XKR6: variants seen among roughly 807,000 people sequenced by gnomAD.
The protein encoded by XKR6 is XK related 6.
A neutral mutation model predicts 56.7 loss-of-function variants in XKR6; 22 were observed. The ratio of observed to expected loss-of-function variants is 0.39; its 90% CI spans 0.28 to 0.55. The LOEUF is 0.55. Ranked by LOEUF, XKR6 falls within the 20% of genes least tolerant of loss-of-function variation. The pLI is 0.66. For missense variants in XKR6, 852 were observed against 889.0 expected (o/e 0.96, Z 0.53); for synonymous variants, 524 against 387.8 (o/e 1.35, Z -4.13).
chr8:10,910,962 T>C (rs189473880), intron 2 of XKR6, among the ~76,000 whole-genome samples: 12 of 152,252 alleles, frequency 7.9e-5, no homozygotes, highest in Admixed American at 2.6e-4. Flanking sequence ...TCCATTCTCA[T>C]TGAGGAGCAA....
intron 1 of XKR6, among the ~76,000 whole-genome samples, chr8:11,020,715 C>T (rs150418297): frequency 6.6e-6 from 1 of 152,312 alleles, no homozygotes; most frequent in Admixed American, 6.5e-5. Flanking sequence ...CAACTTTGAA[C>T]TCTTACGCCT....
intron 1 of XKR6, among the ~76,000 whole-genome samples, chr8:11,075,973 C>A (rs558883705): frequency 3.9e-5 from 6 of 152,212 alleles, no homozygotes; most frequent in African/African-American, 1.4e-4. Flanking sequence ...GCAGCCCCAG[C>A]GTCACTTGAC....
chr8:11,133,586 T>C (rs531428849), intron 1 of XKR6, among the ~76,000 whole-genome samples: 1 of 149,948 alleles, frequency 6.7e-6, no homozygotes, highest in African/African-American at 2.5e-5. Context: ...GCTAACACAG[T>C]ACAGGCTAGG....
In XKR6 at chr8:11,108,626, T is replaced by C. The variant is rs60067354; in HGVS notation, c.764+91950A>G. On this transcript the variant is annotated intron_variant, in intron 1 of 2. Transcript: ENST00000416569. ...GCCCTTTGCAGAGAGTTTCCGTCCA[T>C]TTCATTAGGAAGCTCTTGCCATGTG... The C allele has an allele frequency of 5.7e-3, 1,724 of 301,220 alleles. 39 individuals are homozygous for C. The highest frequency in any genetic ancestry group is 0.037 in the African/African-American group (1,641 of 44,818). The allele number at this position is 301,220 out of a possible 1,614,324, so 18.7% of individuals were successfully genotyped here.
At chr8:11,054,656 C>G (rs1395505327) in intron 1 of XKR6, among the ~76,000 whole-genome samples, 1 of 152,224 alleles carries the variant, frequency 6.6e-6, no homozygotes, top group Non-Finnish European at 1.5e-5. Context: ...TTTAGGAAAC[C>G]CAATTCCTGC....
intron 1 of XKR6, among the ~76,000 whole-genome samples, chr8:11,199,738 C>T (rs780542417): frequency 6.6e-6 from 1 of 152,154 alleles, no homozygotes; most frequent in Non-Finnish European, 1.5e-5. Context: ...TGAACTGGGA[C>T]ACGGGAAATT....
At position 11,015,137 on chromosome 8, in the gene XKR6, G is replaced by C. The variant is rs576604991; in HGVS notation, c.765-90307C>G. ...GAGGCGCTTGGGGGCGCCTCTGATC[G>C]CGTGATATGGGTGCCCTGCATCTGG... On this transcript the variant is annotated intron_variant, in intron 1 of 2. Transcript: ENST00000416569. Among the ~76,000 whole-genome samples, 11 of 152,032 alleles carry C rather than the reference G, an allele frequency of 7.2e-5. No individual in the cohort carries two copies. In the South Asian group the frequency reaches 2.1e-3, roughly 29 times the overall value.
chr8:11,020,414 T>A (rs1055208283), intron 1 of XKR6, among the ~76,000 whole-genome samples: 4 of 152,186 alleles, frequency 2.6e-5, no homozygotes, highest in African/African-American at 9.6e-5. Flanking sequence ...TGAGTCCCAA[T>A]GATGTGGCAA....
chr8:10,954,250 C>T (rs569528248), intron 1 of XKR6, among the ~76,000 whole-genome samples: 3 of 152,324 alleles, frequency 2.0e-5, no homozygotes, highest in Admixed American at 6.5e-5. Context: ...AGTTGTTTTT[C>T]ATCGTGGCTG....
chr8:11,025,305 A>C (rs573309083), intron 1 of XKR6, among the ~76,000 whole-genome samples: 55 of 152,284 alleles, frequency 3.6e-4, no homozygotes, highest in African/African-American at 1.3e-3. Context: ...CTTTCAACAC[A>C]TTTTTACATA....
chr8:11,000,515 C>T (rs764131003), intron 1 of XKR6, among the ~76,000 whole-genome samples: 1 of 151,962 alleles, frequency 6.6e-6, no homozygotes. Flanking sequence ...GTGAAACCCC[C>T]GTCTACTAAA....
At chr8:10,927,327 G>A (rs915635824) in intron 1 of XKR6, among the ~76,000 whole-genome samples, 1 of 152,088 alleles carries the variant, frequency 6.6e-6, no homozygotes, top group African/African-American at 2.4e-5. Flanking sequence ...TCAGTGCCGT[G>A]TGTCTCCCAG....
At chr8:11,051,421 T>G (rs1164070484) in intron 1 of XKR6, among the ~76,000 whole-genome samples, 1 of 152,144 alleles carries the variant, frequency 6.6e-6, no homozygotes, top group Non-Finnish European at 1.5e-5. Flanking sequence ...CCAGGGGTGT[T>G]TCACAGGCAT....
At chr8:11,044,524 T>C (rs558851120) in intron 1 of XKR6, among the ~76,000 whole-genome samples, 2 of 152,170 alleles carry the variant, frequency 1.3e-5, no homozygotes, top group African/African-American at 2.4e-5. Context: ...GGCCCTTCCA[T>C]CGCCAAGGTC....
intron 1 of XKR6, among the ~76,000 whole-genome samples, chr8:11,029,016 G>A (rs1400544512): frequency 6.6e-6 from 1 of 152,148 alleles, no homozygotes; most frequent in Non-Finnish European, 1.5e-5. Flanking sequence ...TCATGCGCCT[G>A]GAAGTCACCC....
intron 1 of XKR6, among the ~76,000 whole-genome samples, chr8:11,064,676 A>G (rs1416166393): frequency 3.9e-5 from 6 of 152,220 alleles, no homozygotes; most frequent in Admixed American, 3.9e-4. Flanking sequence ...CCCTCCAGGC[A>G]TTTATAATTC....
intron 1 of XKR6, among the ~76,000 whole-genome samples, chr8:11,118,424 A>C (rs1229638864): frequency 6.6e-6 from 1 of 152,234 alleles, no homozygotes; most frequent in Non-Finnish European, 1.5e-5. Flanking sequence ...TTCATCTGTG[A>C]AACCCTCTGG....
In XKR6 at chr8:11,112,355, A is replaced by G. The variant is rs572218596; in HGVS notation, c.764+88221T>C. Reference sequence around the variant, plus strand: ...CTATTACATTAACTTTTAGCACATGAACTAAGAAAGATGCTCTTCAAAGTT... The same window carrying G: ...CTATTACATTAACTTTTAGCACATGGACTAAGAAAGATGCTCTTCAAAGTT... On this transcript the variant is annotated intron_variant, in intron 1 of 2. Coordinates refer to ENST00000416569, the MANE Select transcript of XKR6 (RefSeq NM_173683.4). Among the ~76,000 whole-genome samples, 4 of 152,322 alleles carry G rather than the reference A, an allele frequency of 2.6e-5. 1 individual carries two copies. Among genetic ancestry groups the G allele is most frequent in the Middle Eastern group, 6.8e-3 (2 of 294 alleles).
intron 1 of XKR6, among the ~76,000 whole-genome samples, chr8:10,953,244 A>C (rs528043315): frequency 7.9e-5 from 12 of 152,126 alleles, no homozygotes; most frequent in Non-Finnish European, 1.6e-4. Flanking sequence ...TGGTGCCAAA[A>C]AGGTTGGGGA....
Sources: gnomAD v4.1 joint callset for allele counts (sites outside exome capture counted in the v4.1 genomes callset) on GRCh38, gnomAD v4.1.1 for gene constraint, MANE v1.5 for transcripts, NCBI Gene and HGNC (gene_info 2026-07-23, HGNC 2026-07-21) for gene names.